DNMBP: variants seen among roughly 807,000 people sequenced by gnomAD.
DNMBP encodes the protein dynamin-binding protein.
Under a neutral mutation model 150.0 loss-of-function variants are expected in DNMBP, and 87 were observed. That is an observed-to-expected ratio of 0.58 (90% CI 0.49 to 0.69). The LOEUF is 0.69. DNMBP is among the 30% of genes least tolerant of loss of function. The pLI, the probability that DNMBP is intolerant of heterozygous loss-of-function variation, is 0.00. For synonymous variants in DNMBP, 711 were observed against 750.4 expected (o/e 0.95, Z 0.86); for missense variants, 1,774 against 1,949.0 (o/e 0.91, Z 1.69).
At chr10:99,897,927 T>A (rs547511243) in intron 9 of DNMBP, 159 bp downstream of exon 9, 1 of 649,782 alleles carries the variant, frequency 1.5e-6, no homozygotes, top group East Asian at 2.8e-5. Flanking sequence ...AAAATAATAA[T>A]AAAATATCAT....
At chr10:99,886,158 TA>T in intron 13 of DNMBP, 141 bp downstream of exon 13, 1 of 765,462 alleles carries the variant, frequency 1.3e-6, no homozygotes, top group South Asian at 1.9e-5. Context: ...ATCAAGGGAT[TA>T]AGATTTCCTG....
chr10:99,955,534 A>G lies in DNMBP; in HGVS notation c.1940T>C (p.Leu647Pro), dbSNP rs1185897557. ...CGTTCTCTGCTGTGCTGAGGGAGGCAGGGGAGCTGGGCGAGAGGGTCGCAC... is the reference window on the plus strand; with the variant it reads ...CGTTCTCTGCTGTGCTGAGGGAGGCGGGGGAGCTGGGCGAGAGGGTCGCAC... Reference protein sequence around the residue: ...LVVRPSRPAPLPPSAQQRTNA... With the variant: ...LVVRPSRPAPPPPSAQQRTNA... Residue 647 changes from leucine to proline, a missense_variant, in exon 4 of 17, where the codon CTG (leucine) becomes CCG (proline). By Grantham distance (98) the Leu-to-Pro change is moderately conservative (BLOSUM62 -3). Coordinates refer to ENST00000324109, the MANE Select transcript of DNMBP (RefSeq NM_015221.4). The G allele has an allele frequency of 6.3e-7, 1 of 1,596,956 alleles. No individual in the cohort carries two copies. Among genetic ancestry groups the G allele is most frequent in the African/African-American group, 1.4e-5 (1 of 73,974 alleles).
intron 1 of DNMBP, among the ~76,000 whole-genome samples, chr10:99,985,702 T>C (rs1589449717): frequency 6.6e-6 from 1 of 152,212 alleles, no homozygotes; most frequent in African/African-American, 2.4e-5. Flanking sequence ...TCTCTTGTCC[T>C]TGACAATACA....
rs201587745 is a variant in DNMBP, at chr10:99,957,045, C to A, written c.429G>T (p.Pro143=). ...WHSQSALFQI[P]EYSMGQARAL... ...CCCGGGCTTGTCCCATGGAATATTCCGGAATCTGAAACAGGGCGCTCTGGG... is the reference window on the plus strand; with the variant it reads ...CCCGGGCTTGTCCCATGGAATATTCAGGAATCTGAAACAGGGCGCTCTGGG... Residue 143 remains proline (P), a synonymous_variant, in exon 4 of 17, where the codon CCG becomes CCT. Transcript: ENST00000324109. 2 of 1,614,180 alleles carry A rather than the reference C, an allele frequency of 1.2e-6. No homozygotes were observed. Among genetic ancestry groups the A allele is most frequent in the East Asian group, 2.2e-5 (1 of 44,868 alleles).
At chr10:99,888,214 G>GTTTGTTTTTGTT (rs71009783) in intron 12 of DNMBP, among the ~76,000 whole-genome samples, 55,134 of 149,602 alleles carry the variant, frequency 0.37, 10,675 homozygotes, top group Middle Eastern at 0.51. Context: ...TTGTTTGTTT[G>GTTTGTTTTTGTT]TTTGTTTTTG....
At position 99,957,140 on chromosome 10, in the gene DNMBP, C is replaced by A; in HGVS notation, c.334G>T (p.Ala112Ser). ...CATGAAGATGGGAAGAAGCCCCGTG[C>A]GCCCCAGCAGCTTCGGCCCTGCAGC... is the stretch of plus-strand genomic sequence containing the variant. The part of the protein sequence containing the change: ...GWLQGRSCWG[A>S]RGFFPSSCVR... The change falls in exon 4 of 17, where the codon GCA becomes TCA. Residue 112 changes from alanine to serine, a missense_variant. This residue lies in a region of DNMBP where 344 missense variants were observed against 456.6 expected (regional missense o/e 0.75). Transcript: ENST00000324109. 1 of 1,612,190 alleles carries A rather than the reference C, an allele frequency of 6.2e-7. No homozygotes were observed. The highest frequency in any genetic ancestry group is 8.5e-7 in the Non-Finnish European group (1 of 1,179,998).
At chr10:99,879,789 G>A in intron 16 of DNMBP, 22 bp downstream of exon 16, 1 of 1,610,506 alleles carries the variant, frequency 6.2e-7, no homozygotes, top group Non-Finnish European at 8.5e-7. Context: ...GTGCCACAGT[G>A]GCAGGCCTCT....
At chr10:99,929,754 G>A (rs776923671) in intron 4 of DNMBP, 91 of 702,572 alleles carry the variant, frequency 1.3e-4, no homozygotes, top group African/African-American at 8.2e-4. Flanking sequence ...CTCTAATGAC[G>A]AGCTCTGAGG....
At chr10:99,880,706 G>T (rs1487581484) in intron 15 of DNMBP, among the ~76,000 whole-genome samples, 1 of 152,236 alleles carries the variant, frequency 6.6e-6, no homozygotes. Flanking sequence ...CTGGGAACCG[G>T]CATGGGAAGA....
chr10:99,898,281 A>C lies in DNMBP; in HGVS notation c.2725T>G (p.Cys909Gly). 1 of 1,612,790 alleles carries C rather than the reference A, an allele frequency of 6.2e-7. No homozygotes were observed. Among genetic ancestry groups the C allele is most frequent in the Non-Finnish European group, 8.5e-7 (1 of 1,178,808 alleles). The change falls in exon 9 of 17, where the codon TGC becomes GGC. Residue 909 changes from cysteine to glycine, a missense_variant. This residue lies in a region of DNMBP where 1,430 missense variants were observed against 1,492.5 expected (regional missense o/e 0.96). Transcript: ENST00000324109. ...DLKSLYNEWG[C>G]TNYINLGSFL... ...GAGCCCAGGTTAATATAATTTGTGC[A>C]TCCCCTGTAAGAGAAGGAAAAAAGA...
At chr10:99,882,509 G>T (rs969692172) in intron 15 of DNMBP, among the ~76,000 whole-genome samples, 7 of 152,130 alleles carry the variant, frequency 4.6e-5, no homozygotes, top group Admixed American at 4.6e-4. Flanking sequence ...GCTTGAGCCT[G>T]GGAGGTGGAG....
Position 99,919,695 on chromosome 10 carries a change from G to A in DNMBP, c.2261-10549C>T, listed in dbSNP as rs142025124. On this transcript the variant is annotated intron_variant, in intron 4 of 16. Transcript: ENST00000324109. ...CCAGCTACTTGGGAGGCTGAGGCAGGAGAATCGCTTGAACCTGGGAAGCGG... is the reference window on the plus strand; with the variant it reads ...CCAGCTACTTGGGAGGCTGAGGCAGAAGAATCGCTTGAACCTGGGAAGCGG... 7.9e-3 allele frequency among the ~76,000 whole-genome samples: 1,209 copies of A among 152,326 alleles called. 18 individuals are homozygous for A. Among genetic ancestry groups the A allele is most frequent in the African/African-American group, 0.027 (1,129 of 41,578 alleles).
intron 4 of DNMBP, among the ~76,000 whole-genome samples, chr10:99,951,155 T>C (rs1404934586): frequency 6.6e-6 from 1 of 152,226 alleles, no homozygotes. Context: ...GCCCCAAGCC[T>C]TGGCAGCTTC....
intron 4 of DNMBP, chr10:99,914,084 A>C: frequency 7.1e-7 from 1 of 1,404,628 alleles, no homozygotes; most frequent in Non-Finnish European, 9.3e-7. Flanking sequence ...CATTTCCCCC[A>C]GGCTTCCCAC....
intron 4 of DNMBP, among the ~76,000 whole-genome samples, chr10:99,917,805 A>G (rs1404643337): frequency 6.6e-6 from 1 of 151,830 alleles, no homozygotes; most frequent in African/African-American, 2.4e-5. Flanking sequence ...CTCTAAAAAA[A>G]ATACAAAAAT....
chr10:99,998,663 T>C (rs2040979429), intron 1 of DNMBP, among the ~76,000 whole-genome samples: 2 of 152,206 alleles, frequency 1.3e-5, no homozygotes, highest in African/African-American at 2.4e-5. Context: ...AAATCAATTG[T>C]TTAAGGAAAA....
intron 6 of DNMBP, among the ~76,000 whole-genome samples, chr10:99,906,403 T>A (rs1346353374): frequency 6.6e-6 from 1 of 152,140 alleles, no homozygotes; most frequent in African/African-American, 2.4e-5. Context: ...GGTAGCCTCT[T>A]GTAATTAGGA....
chr10:100,000,954 C>A (rs112887542), intron 1 of DNMBP, among the ~76,000 whole-genome samples: 1 of 150,356 alleles, frequency 6.7e-6, no homozygotes. Context: ...AAAAAAGAGC[C>A]GGGCACGGTG....
At chr10:99,966,360 T>C (rs915151805) in intron 3 of DNMBP, among the ~76,000 whole-genome samples, 2 of 152,236 alleles carry the variant, frequency 1.3e-5, no homozygotes, top group Non-Finnish European at 2.9e-5. Context: ...CTTACATCTT[T>C]AAGCTTATTA....
Sources: gnomAD v4.1 joint callset for allele counts (sites outside exome capture counted in the v4.1 genomes callset) on GRCh38, gnomAD v4.1.1 for gene constraint, gnomAD v4.1.1 regional missense constraint, MANE v1.5 for transcripts, NCBI Gene and HGNC (gene_info 2026-07-23, HGNC 2026-07-21) for gene names.